The following ARAP3 variants were observed in gnomAD, a reference collection of about 807,000 sequenced individuals.
ARAP3 encodes arf-GAP with Rho-GAP domain, ANK repeat and PH domain-containing protein 3.
In ARAP3, 82 loss-of-function variants were observed where a neutral mutation model predicts 169.2. That is an observed-to-expected ratio of 0.48 (90% CI 0.41 to 0.58). The LOEUF (loss-of-function observed/expected upper bound fraction) is 0.58. ARAP3 is among the 20% of genes least tolerant of loss of function. The pLI, the probability that ARAP3 is intolerant of heterozygous loss-of-function variation, is 0.00. For missense variants in ARAP3, 1,764 were observed against 2,018.0 expected (o/e 0.87, Z 2.41); for synonymous variants, 791 against 800.3 (o/e 0.99, Z 0.20).
intron 25 of ARAP3, 25 bp from the exon 26 acceptor site, chr5:141,656,871 T>C (rs2099909329): frequency 1.2e-6 from 2 of 1,603,960 alleles, no homozygotes; most frequent in Non-Finnish European, 1.7e-6. Flanking sequence ...TGAGGGTTTA[T>C]ATATCAATCA....
chr5:141,670,908 T>C (rs1402533006), intron 13 of ARAP3, among the ~76,000 whole-genome samples: 1 of 152,218 alleles, frequency 6.6e-6, no homozygotes, highest in African/African-American at 2.4e-5. Context: ...CCTCAGGGCA[T>C]GTACCATCCT....
Position 141,671,255 on chromosome 5 carries a change from G to T in ARAP3, c.1990+10C>A. On this transcript the variant is annotated intron_variant, in intron 13 of 32. Transcript: ENST00000239440. This position sits in a 1 kb window ranked among gnomAD's most constrained non-coding sequence, Gnocchi z 4.9. ...CTGTAGGGGAGAGAGGAGGCACTTG[G>T]GGGAATGACCTGAGGGCAAGAGGCC... 2 of 1,590,194 alleles carry T rather than the reference G, an allele frequency of 1.3e-6. No homozygotes were observed. The highest frequency in any genetic ancestry group is 1.7e-6 in the Non-Finnish European group (2 of 1,168,930).
At chr5:141,659,950 C>A (rs1323686585) in intron 21 of ARAP3, 24 bp from the exon 22 acceptor site, 5 of 1,538,746 alleles carry the variant, frequency 3.2e-6, no homozygotes, top group Non-Finnish European at 4.4e-6. Flanking sequence ...CCACGGTCTT[C>A]ATCAGTGTAG....
At chr5:141,668,868 T>C (rs1177225730) in intron 16 of ARAP3, among the ~76,000 whole-genome samples, 1 of 151,982 alleles carries the variant, frequency 6.6e-6, no homozygotes, top group Non-Finnish European at 1.5e-5. Context: ...CAGAGGAGGG[T>C]AGCTGCAAGG....
chr5:141,660,115 T>A (rs1199591281), intron 21 of ARAP3, among the ~76,000 whole-genome samples, 189 bp from the exon 22 acceptor site: 1 of 152,192 alleles, frequency 6.6e-6, no homozygotes, highest in Non-Finnish European at 1.5e-5. Context: ...AAGGGACAGA[T>A]AGTAGACATT....
chr5:141,673,768 A>T lies in ARAP3; in HGVS notation c.739T>A (p.Tyr247Asn). Residue 247 changes from tyrosine to asparagine, a missense_variant, in exon 5 of 33, where the codon TAT (tyrosine) becomes AAT (asparagine). By Grantham distance (143) the Tyr-to-Asn change is moderately radical (BLOSUM62 -2). Coordinates refer to ENST00000239440, the MANE Select transcript of ARAP3 (RefSeq NM_022481.6). The stretch of plus-strand genomic sequence containing the variant: ...TCTCCAGGTAGCTCAAGGCTGGCAT[A>T]GCCAGCATCCTCCCGTGCCTCCAGA... ...QDLEAREDAG[Y>N]ASLELPGDST... 1 of 1,614,152 alleles carries T rather than the reference A, an allele frequency of 6.2e-7. No homozygotes were observed. The highest frequency in any genetic ancestry group is 8.5e-7 in the Non-Finnish European group (1 of 1,180,038).
intron 4 of ARAP3, among the ~76,000 whole-genome samples, chr5:141,676,244 A>G (rs1349077923): frequency 6.6e-6 from 1 of 152,106 alleles, no homozygotes; most frequent in Non-Finnish European, 1.5e-5. Flanking sequence ...GCTACTTGGG[A>G]GGCTGAGGCA....
In ARAP3 at chr5:141,671,535, C is replaced by T. The variant is rs1238748866; in HGVS notation, c.1854+35G>A. Reference sequence around the variant, plus strand: ...ACTCCAGAGAGTGTTTCCTGACCCCCCCACCCCAGATCACCCCTGCTCTGT... The same window carrying T: ...ACTCCAGAGAGTGTTTCCTGACCCCTCCACCCCAGATCACCCCTGCTCTGT... On this transcript the variant is annotated intron_variant, in intron 12 of 32. Coordinates refer to ENST00000239440, the MANE Select transcript of ARAP3 (RefSeq NM_022481.6). The surrounding 1 kb of genome is among the most constrained non-coding windows in gnomAD (Gnocchi z 4.9). 6.2e-7 allele frequency: 1 copy of T among 1,612,288 alleles called. No individual in the cohort carries two copies. Among genetic ancestry groups the T allele is most frequent in the Non-Finnish European group, 8.5e-7 (1 of 1,179,452 alleles).
At chr5:141,661,908 C>A in intron 20 of ARAP3, 119 bp from the exon 21 acceptor site, 1 of 1,488,712 alleles carries the variant, frequency 6.7e-7, no homozygotes, top group Non-Finnish European at 9.3e-7. Flanking sequence ...CCCTTCCCAC[C>A]TCCCCCTGAG....
rs1463557978 is a variant in ARAP3 at position 141,663,707 on chromosome 5, C to T, written c.2800+1215G>A. On this transcript the variant is annotated intron_variant, in intron 19 of 32. Coordinates refer to ENST00000239440, the MANE Select transcript of ARAP3 (RefSeq NM_022481.6). ...AGTGGGGGAGGTCACTGAACAAGGC[C>T]ACTGCCAAGGCATGGAAAATGTTAT... Among the ~76,000 whole-genome samples, 7 of 152,330 alleles carry T rather than the reference C, an allele frequency of 4.6e-5. No individual in the cohort carries two copies. The Middle Eastern group carries it at 0.01, about 222-fold the overall frequency.
intron 32 of ARAP3, 103 bp downstream of exon 32, chr5:141,655,259 C>CACACACACACACACACACACACACACA (rs376664795): frequency 8.4e-7 from 1 of 1,186,938 alleles, no homozygotes; most frequent in African/African-American, 1.8e-5. Flanking sequence ...CACACACACA[C>CACACACACACACACACACACACACACA]CCCCTGATGG....
At position 141,655,661 on chromosome 5, in the gene ARAP3, T is replaced by A. The variant is rs1384826138; in HGVS notation, c.4070A>T (p.Asp1357Val). The A allele has an allele frequency of 1.2e-6, 2 of 1,613,860 alleles. No individual in the cohort carries two copies. The highest frequency in any genetic ancestry group is 1.3e-5 in the African/African-American group (1 of 74,842). Reference sequence around the variant, plus strand: ...AGAGAGGAGGGTGGCTCCACTGTCATCCCCACGGATAGGCAGCAAAGGCAT... The same window carrying A: ...AGAGAGGAGGGTGGCTCCACTGTCAACCCCACGGATAGGCAGCAAAGGCAT... ...GTMPLLPIRGDDSGATLLSAN... is the reference protein window; with the variant it reads ...GTMPLLPIRGVDSGATLLSAN... The change falls in exon 31 of 33, where the codon GAT (aspartate) becomes GTT (valine). Residue 1357 changes from aspartate to valine, a missense_variant. This residue lies in a region of ARAP3 where 1,112 missense variants were observed against 1,285.7 expected (regional missense o/e 0.86). Transcript: ENST00000239440.
chr5:141,665,715 C>T (rs1478607138), intron 17 of ARAP3, among the ~76,000 whole-genome samples: 1 of 152,054 alleles, frequency 6.6e-6, no homozygotes, highest in Non-Finnish European at 1.5e-5. Context: ...AGGACCCAAC[C>T]AGCAAGTGAT....
At position 141,680,416 on chromosome 5, in the gene ARAP3, G is replaced by A. The variant is rs370291889; in HGVS notation, c.71C>T (p.Thr24Met). The A allele has an allele frequency of 6.3e-5, 101 of 1,613,258 alleles. No individual in the cohort carries two copies. The highest frequency in any genetic ancestry group is 8.0e-5 in the Non-Finnish European group (94 of 1,180,030). ...ATVHLEQYAD[T>M]FRRHGLATAG... ...TGTAGCCAGGCCATGCCGTCGGAAC[G>A]TGTCTGCATACTGCTCCAGGTGCAC... The change falls in exon 2 of 33, where the codon ACG becomes ATG. Residue 24 changes from threonine (T) to methionine (M), a missense_variant. By Grantham distance (81) the Thr-to-Met change is moderately conservative. Transcript: ENST00000239440.
intron 1 of ARAP3, among the ~76,000 whole-genome samples, chr5:141,681,693 C>T (rs1221288458): frequency 1.3e-5 from 2 of 152,194 alleles, no homozygotes; most frequent in Non-Finnish European, 2.9e-5. Context: ...TCTCTGTCTG[C>T]CTCTGAGCCT....
intron 31 of ARAP3, 97 bp downstream of exon 31, chr5:141,655,524 T>G (rs377203403): frequency 1.3e-6 from 2 of 1,596,238 alleles, no homozygotes; most frequent in African/African-American, 2.7e-5. Context: ...ACAGTGAGCA[T>G]AGGGTGGCAC....
rs139144288 is a variant in ARAP3, at chr5:141,654,300, G to A, written c.4285C>T (p.Arg1429Trp). The change falls in exon 33 of 33, where the codon CGG becomes TGG. Residue 1429 changes from arginine to tryptophan, a missense_variant. Around this residue, in one of 3 missense-constraint regions of ARAP3, gnomAD observed 1,112 missense variants for 1,285.7 expected, o/e 0.86. Coordinates refer to ENST00000239440, the MANE Select transcript of ARAP3 (RefSeq NM_022481.6). ...TTCTCTGGCTTCACTGTCCACTCCCGTGTGGTGGAGAAGGAGGTAGAAGTG... is the reference window on the plus strand; with the variant it reads ...TTCTCTGGCTTCACTGTCCACTCCCATGTGGTGGAGAAGGAGGTAGAAGTG... ...QDTSTSFSTT[R>W]EWTVKPENPL... 10 of 1,613,984 alleles carry A rather than the reference G, an allele frequency of 6.2e-6. No homozygotes were observed. In the African/African-American group the frequency reaches 9.3e-5, roughly 15 times the overall value.
At chr5:141,655,182 T>TACACACACAC (rs3075597) in intron 32 of ARAP3, among the ~76,000 whole-genome samples, 180 bp downstream of exon 32, 3,375 of 95,498 alleles carry the variant, frequency 0.035, 320 homozygotes, top group African/African-American at 0.041. Context: ...CCTGATGGCC[T>TACACACACAC]ACACACACAC....
intron 32 of ARAP3, 37 bp downstream of exon 32, chr5:141,655,325 T>C (rs1439359458): frequency 3.2e-6 from 5 of 1,560,182 alleles, no homozygotes; most frequent in Non-Finnish European, 4.3e-6. Context: ...GAATACAGGG[T>C]TGACAGGCAC....
Sources: allele counts gnomAD v4.1 joint callset (sites outside exome capture counted in the v4.1 genomes callset), GRCh38; gene constraint gnomAD v4.1.1; regional missense constraint gnomAD v4.1.1; non-coding constraint Gnocchi (gnomAD v3.1); transcripts MANE v1.5; gene names NCBI Gene and HGNC (gene_info 2026-07-23, HGNC 2026-07-21).